Variants in GALNT13 observed in about 807,000 individuals in gnomAD.
GALNT13 encodes the protein UDP-GalNAc:polypeptide N-acetylgalactosaminyltransferase 13.
GALNT13 carries 28 observed loss-of-function variants against 64.2 expected under a neutral mutation model. The ratio of observed to expected loss-of-function variants is 0.44; its 90% CI spans 0.32 to 0.60. The LOEUF is 0.60. GALNT13 is among the 20% of genes least tolerant of loss of function. The pLI is 0.05. For synonymous variants in GALNT13, 214 were observed against 224.6 expected, an observed-to-expected ratio of 0.95 and a Z score of 0.42; for missense variants, 577 against 669.8, an observed-to-expected ratio of 0.86 and a Z score of 1.53.
the GALNT13 span, among the ~76,000 whole-genome samples, chr2:153,508,983 G>A: frequency 6.6e-6 from 1 of 152,216 alleles, no homozygotes; most frequent in Non-Finnish European, 1.5e-5. Context: ...AACAGACAAA[G>A]AAGTTGTCCT....
At chr2:153,544,949 A>C in the GALNT13 span, among the ~76,000 whole-genome samples, 1 of 152,242 alleles carries the variant, frequency 6.6e-6, no homozygotes, top group Non-Finnish European at 1.5e-5. Context: ...GCTTAAGAGC[A>C]AACATTCGTA....
At chr2:153,171,812 A>C in the GALNT13 span, among the ~76,000 whole-genome samples, 1 of 152,200 alleles carries the variant, frequency 6.6e-6, no homozygotes, top group East Asian at 1.9e-4. Flanking sequence ...GTACTATTTA[A>C]GCCAAATTGA....
At chr2:153,994,232 T>C (rs567258296) in intron 3 of GALNT13, among the ~76,000 whole-genome samples, 41 of 152,252 alleles carry the variant, frequency 2.7e-4, no homozygotes, top group African/African-American at 8.7e-4. Flanking sequence ...TAAGTCCCTA[T>C]GAAGGATATG....
At chr2:154,364,596 A>G (rs1377463354) in intron 9 of GALNT13, among the ~76,000 whole-genome samples, 3 of 152,120 alleles carry the variant, frequency 2.0e-5, no homozygotes, top group Non-Finnish European at 4.4e-5. Context: ...TAAACTTTTA[A>G]TCTGTTTTCT....
the GALNT13 span, among the ~76,000 whole-genome samples, chr2:153,679,117 A>G: frequency 2.6e-5 from 4 of 151,942 alleles, no homozygotes; most frequent in African/African-American, 9.7e-5. Flanking sequence ...GTTTGTCCTC[A>G]TGGATTCCAG....
intron 3 of GALNT13, among the ~76,000 whole-genome samples, chr2:154,019,637 CACACACACACACACACAA>C (rs998055476): frequency 6.7e-6 from 1 of 149,408 alleles, no homozygotes; most frequent in Non-Finnish European, 1.5e-5. Context: ...CACACACACA[CACACACACACACACACAA>C]AAGCAAGAAA....
At chr2:153,071,933 G>A in the GALNT13 span, among the ~76,000 whole-genome samples, 218 of 152,282 alleles carry the variant, frequency 1.4e-3, 1 homozygote, top group African/African-American at 4.9e-3. Flanking sequence ...ACTTGCCTTA[G>A]AAGACAGAAG....
chr2:153,334,229 A>G, the GALNT13 span, among the ~76,000 whole-genome samples: 24 of 152,244 alleles, frequency 1.6e-4, no homozygotes, highest in African/African-American at 5.8e-4. Flanking sequence ...ATGGAAAAAT[A>G]CAATGGGCAA....
At chr2:154,019,026 G>A (rs1239762168) in intron 3 of GALNT13, among the ~76,000 whole-genome samples, 1 of 152,098 alleles carries the variant, frequency 6.6e-6, no homozygotes, top group East Asian at 1.9e-4. Context: ...TGTATGAAGA[G>A]CAGAATCAAG....
the GALNT13 span, among the ~76,000 whole-genome samples, chr2:153,789,653 T>C: frequency 6.6e-6 from 1 of 151,990 alleles, no homozygotes; most frequent in African/African-American, 2.4e-5. Context: ...ATCCAGGAGA[T>C]GGTATTTTGA....
At chr2:153,415,039 T>G in the GALNT13 span, among the ~76,000 whole-genome samples, 3 of 152,264 alleles carry the variant, frequency 2.0e-5, no homozygotes, top group South Asian at 6.2e-4. Flanking sequence ...ATCACTGGCA[T>G]GGTATTACTT....
chr2:153,867,412 C>G (rs1462141485), upstream of GALNT13, among the ~76,000 whole-genome samples: 1 of 152,026 alleles, frequency 6.6e-6, no homozygotes, highest in Non-Finnish European at 1.5e-5. Flanking sequence ...AAGCTCAACT[C>G]TTAGCCTATT....
the GALNT13 span, among the ~76,000 whole-genome samples, chr2:153,791,893 G>A: frequency 2.0e-5 from 3 of 152,132 alleles, no homozygotes; most frequent in East Asian, 5.8e-4. Context: ...TGGACATAAA[G>A]TGATACTGGA....
intron 1 of GALNT13, among the ~76,000 whole-genome samples, chr2:153,891,861 T>G (rs957026605): frequency 6.6e-6 from 1 of 151,980 alleles, no homozygotes; most frequent in African/African-American, 2.4e-5. Context: ...ATCTCACTTT[T>G]TACCCCCTCT....
At chr2:153,729,402 GTTTAA>G in the GALNT13 span, among the ~76,000 whole-genome samples, 2 of 152,066 alleles carry the variant, frequency 1.3e-5, no homozygotes, top group Admixed American at 6.5e-5. Flanking sequence ...TTTTAATATA[GTTTAA>G]TTTATCATTT....
intron 9 of GALNT13, among the ~76,000 whole-genome samples, chr2:154,388,710 A>T (rs1698632342): frequency 6.6e-6 from 1 of 151,778 alleles, no homozygotes; most frequent in African/African-American, 2.4e-5. Flanking sequence ...ATATTATTTT[A>T]AAAAGGAGAA....
the GALNT13 span, among the ~76,000 whole-genome samples, chr2:153,532,384 T>A: frequency 6.6e-6 from 1 of 152,142 alleles, no homozygotes; most frequent in South Asian, 2.1e-4. Context: ...CAAGGCTGCA[T>A]GAGACAGCAC....
At chr2:154,174,795 A>G (rs75196617) in intron 4 of GALNT13, among the ~76,000 whole-genome samples, 6,361 of 152,210 alleles carry the variant, frequency 0.042, 185 homozygotes, top group Non-Finnish European at 0.058. Flanking sequence ...TGTTTCTGCT[A>G]TGTCTCATTT....
At chr2:153,241,555 C>T in the GALNT13 span, among the ~76,000 whole-genome samples, 651 of 152,120 alleles carry the variant, frequency 4.3e-3, 7 homozygotes, top group African/African-American at 0.015. Context: ...GTCCTTCAAA[C>T]GCTACTCCAT....
Sources: gnomAD v4.1 joint callset for allele counts (sites outside exome capture counted in the v4.1 genomes callset) on GRCh38, gnomAD v4.1.1 for gene constraint, MANE v1.5 for transcripts, NCBI Gene and HGNC (gene_info 2026-07-23, HGNC 2026-07-21) for gene names.